Variants in GSTA5 observed in about 807,000 individuals in gnomAD.
GSTA5 encodes glutathione S-transferase A5.
In GSTA5, 25 loss-of-function variants were observed where a neutral mutation model predicts 21.8. That is an observed-to-expected ratio of 1.14 (90% CI 0.83 to 1.60). GSTA5 has a LOEUF of 1.60. Among genes scored for constraint, GSTA5 ranks in the 40% most tolerant of loss-of-function variants. The pLI, the probability that GSTA5 is intolerant of heterozygous loss-of-function variation, is 0.00. For synonymous variants in GSTA5, 102 were observed against 89.5 expected (o/e 1.14, Z -0.78); for missense variants, 330 against 259.2 (o/e 1.27, Z -1.88).
chr6:52,840,220 T>C (rs1173238732), intron 1 of GSTA5, among the ~76,000 whole-genome samples: 1 of 152,218 alleles, frequency 6.6e-6, no homozygotes, highest in Non-Finnish European at 1.5e-5. Flanking sequence ...CTAGAATCAA[T>C]AATTATCAAC....
upstream of GSTA5, among the ~76,000 whole-genome samples, chr6:52,843,201 G>A (rs969593518): frequency 1.1e-4 from 17 of 152,150 alleles, no homozygotes; most frequent in African/African-American, 4.1e-4. Context: ...GAACAGGGCC[G>A]CAGTAAACAT....
At chr6:52,834,733 T>C (rs1207215614) in intron 3 of GSTA5, among the ~76,000 whole-genome samples, 1 of 152,160 alleles carries the variant, frequency 6.6e-6, no homozygotes, top group Non-Finnish European at 1.5e-5. Flanking sequence ...GGCACAGCCA[T>C]CTCAGCCATA....
chr6:52,840,594 T>G (rs1262192808), intron 1 of GSTA5, 133 bp downstream of exon 1: 1 of 834,262 alleles, frequency 1.2e-6, no homozygotes, highest in African/African-American at 1.7e-5. Flanking sequence ...TCTATTCATC[T>G]TTTTCTTAAT....
rs555484940 is a variant in GSTA5, at chr6:52,834,271, T to C, written c.284A>G (p.Tyr95Cys). Residue 95 changes from tyrosine (Y) to cysteine (C), a missense_variant, in exon 4 of 6, where the codon TAC becomes TGC. Tyr to Cys is a radical substitution (Grantham distance 194, BLOSUM62 -2). Transcript: ENST00000370989. The stretch of plus-strand genomic sequence containing the variant: ...AGTCAAATCTACTATACCTTCTGTG[T>C]ACATATCAATCCTGAAAGACAAAAA... 3.7e-6 allele frequency: 6 copies of C among 1,611,366 alleles called. No homozygotes were observed. The East Asian group carries it at 6.7e-5, about 18-fold the overall frequency.
exon 5 of GSTA5, chr6:52,832,898 C>T: frequency 6.2e-7 from 1 of 1,614,088 alleles, no homozygotes; most frequent in Non-Finnish European, 8.5e-7. Context: ...TCGAGTCAAG[C>T]TCTTCCACGT....
upstream of GSTA5, among the ~76,000 whole-genome samples, chr6:52,845,516 C>T (rs891144635): frequency 5.3e-5 from 8 of 152,148 alleles, no homozygotes; most frequent in Admixed American, 1.3e-4. Flanking sequence ...GTAGATTGGC[C>T]GTGAGTTGGT....
chr6:52,843,389 T>C (rs1453684991), upstream of GSTA5, among the ~76,000 whole-genome samples: 1 of 152,220 alleles, frequency 6.6e-6, no homozygotes, highest in East Asian at 1.9e-4. Flanking sequence ...GTGTTGCTAT[T>C]TCTCCACATC....
chr6:52,843,702 A>G (rs748930209), upstream of GSTA5, among the ~76,000 whole-genome samples: 18 of 152,224 alleles, frequency 1.2e-4, no homozygotes, highest in Non-Finnish European at 1.8e-4. Context: ...AAATGCAAAT[A>G]GCATTATTCA....
At chr6:52,838,282 A>G (rs1764320492) in intron 1 of GSTA5, among the ~76,000 whole-genome samples, 1 of 152,192 alleles carries the variant, frequency 6.6e-6, no homozygotes, top group Non-Finnish European at 1.5e-5. Flanking sequence ...ATTTTCATGT[A>G]CTGTCTTCTT....
At chr6:52,843,349 C>G (rs1421238678), upstream of GSTA5, among the ~76,000 whole-genome samples, 1 of 152,184 alleles carries the variant, frequency 6.6e-6, no homozygotes, top group South Asian at 2.1e-4. Context: ...AATGGTTGAA[C>G]TAATTTACAC....
chr6:52,832,319 G>A (rs1293745597), intron 5 of GSTA5, among the ~76,000 whole-genome samples: 2 of 152,138 alleles, frequency 1.3e-5, no homozygotes, highest in East Asian at 1.9e-4. Context: ...TAAAACTATG[G>A]GGAAATGAGT....
At chr6:52,839,564 G>A (rs1258430141) in intron 1 of GSTA5, among the ~76,000 whole-genome samples, 3 of 152,178 alleles carry the variant, frequency 2.0e-5, no homozygotes, top group Admixed American at 2.0e-4. Flanking sequence ...TCCACACGGC[G>A]CTGTGAGGCT....
chr6:52,841,699 C>T (rs1488414156), upstream of GSTA5, among the ~76,000 whole-genome samples: 1 of 152,198 alleles, frequency 6.6e-6, no homozygotes, highest in African/African-American at 2.4e-5. Context: ...GGCCATTCTT[C>T]TAAACTTCTC....
At chr6:52,844,436 C>T (rs150749331), upstream of GSTA5, among the ~76,000 whole-genome samples, 216 of 152,272 alleles carry the variant, frequency 1.4e-3, no homozygotes, top group African/African-American at 5.0e-3. Flanking sequence ...CTTTGACAAC[C>T]TAAAATCCAG....
upstream of GSTA5, among the ~76,000 whole-genome samples, chr6:52,841,923 C>T (rs1764382042): frequency 6.6e-6 from 1 of 151,836 alleles, no homozygotes; most frequent in South Asian, 2.1e-4. Flanking sequence ...TTGTGAAACC[C>T]CAGTACTTTT....
chr6:52,837,805 A>G (rs1446554100), intron 1 of GSTA5, among the ~76,000 whole-genome samples, 196 bp from the exon 2 acceptor site: 1 of 152,238 alleles, frequency 6.6e-6, no homozygotes, highest in African/African-American at 2.4e-5. Flanking sequence ...GTCACAGCAC[A>G]TAGCTGCTCA....
intron 3 of GSTA5, 32 bp from the exon 4 acceptor site, chr6:52,834,314 G>T: frequency 6.3e-7 from 1 of 1,586,674 alleles, no homozygotes; most frequent in African/African-American, 1.4e-5. Flanking sequence ...ACCATCAAAT[G>T]CCTTTTGCCT....
chr6:52,836,639 G>A (rs1023243023), intron 2 of GSTA5, among the ~76,000 whole-genome samples: 54 of 152,166 alleles, frequency 3.5e-4, no homozygotes. Context: ...AGCCTCCTGA[G>A]TAGCTGGGAT....
intron 1 of GSTA5, among the ~76,000 whole-genome samples, chr6:52,838,232 C>T (rs4144184): frequency 0.92 from 140,679 of 152,254 alleles, 65,180 homozygotes; most frequent in Non-Finnish European, 0.96. Flanking sequence ...TTCATGAAAA[C>T]CTCTGGTTTC....
Sources: allele counts gnomAD v4.1 joint callset (sites outside exome capture counted in the v4.1 genomes callset), GRCh38; gene constraint gnomAD v4.1.1; transcripts MANE v1.5; gene names NCBI Gene and HGNC (gene_info 2026-07-23, HGNC 2026-07-21).